PARP4: variants seen among roughly 807,000 people sequenced by gnomAD.
PARP4 encodes protein mono-ADP-ribosyltransferase PARP4.
A neutral mutation model predicts 187.7 loss-of-function variants in PARP4; 120 were observed. That is an observed-to-expected ratio of 0.64 (90% CI 0.55 to 0.74). The LOEUF is 0.74. Ranked by LOEUF, PARP4 falls within the 30% of genes least tolerant of loss-of-function variation. The pLI, the probability that PARP4 is intolerant of heterozygous loss-of-function variation, is 0.00. For synonymous variants in PARP4, 654 were observed against 740.9 expected (o/e 0.88, Z 1.90); for missense variants, 1,836 against 2,070.5 (o/e 0.89, Z 2.20).
intron 30 of PARP4, among the ~76,000 whole-genome samples, chr13:24,436,336 T>C (rs908350905): frequency 2.0e-5 from 3 of 152,224 alleles, no homozygotes; most frequent in African/African-American, 7.2e-5. Flanking sequence ...AGGGTCTTGC[T>C]CTGTTGCCTG....
At chr13:24,450,321 A>C (rs188395403) in intron 24 of PARP4, among the ~76,000 whole-genome samples, 5 of 151,894 alleles carry the variant, frequency 3.3e-5, no homozygotes, top group Admixed American at 6.6e-5. Flanking sequence ...CAAGTGCCCT[A>C]TTACTTTTCT....
At chr13:24,485,403 C>T (rs1025100674) in intron 11 of PARP4, among the ~76,000 whole-genome samples, 1 of 152,150 alleles carries the variant, frequency 6.6e-6, no homozygotes, top group Non-Finnish European at 1.5e-5. Context: ...ATCATGATTG[C>T]ACTAAATCTA....
chr13:24,510,293 A>G (rs9553327), intron 1 of PARP4, among the ~76,000 whole-genome samples: 82,121 of 151,834 alleles, frequency 0.54, 22,362 homozygotes, highest in South Asian at 0.66. Context: ...GGTGGCTCAC[A>G]CCTGTAATCC....
chr13:24,455,914 C>T (rs138867872), intron 21 of PARP4, among the ~76,000 whole-genome samples: 4 of 152,218 alleles, frequency 2.6e-5, no homozygotes, highest in East Asian at 1.9e-4. Context: ...TGAGCCACCA[C>T]ACCCAGCCTA....
At chr13:24,488,619 G>T (rs538665428) in intron 10 of PARP4, among the ~76,000 whole-genome samples, 1 of 151,946 alleles carries the variant, frequency 6.6e-6, no homozygotes, top group South Asian at 2.1e-4. Context: ...CTCCCAAAGT[G>T]CTGGAATTAC....
In PARP4 at chr13:24,443,195, C is replaced by T. The variant is rs1458246268; in HGVS notation, c.3447+455G>A. On this transcript the variant is annotated intron_variant, in intron 28 of 33. Transcript: ENST00000381989. ...ATCCCTCAGAGAACAGCTGGGCAGT[C>T]CCGGTGGCCTGGCTGAGGAGCCCCT... Among the ~76,000 whole-genome samples the T allele has an allele frequency of 5.0e-5, 7 of 141,034 alleles. 1 individual carries two copies. Among genetic ancestry groups the T allele is most frequent in the Non-Finnish European group, 9.2e-5 (6 of 65,374 alleles). The allele number at this position is 141,034 out of a possible 152,430, so 92.5% of individuals were successfully genotyped here.
chr13:24,484,115 C>T (rs2137520349), intron 12 of PARP4, among the ~76,000 whole-genome samples: 1 of 152,280 alleles, frequency 6.6e-6, no homozygotes, highest in African/African-American at 2.4e-5. Context: ...GTTCCCTGAC[C>T]TCCCTGAGTC....
chr13:24,426,184 G>C (rs965939217), intron 33 of PARP4, among the ~76,000 whole-genome samples: 4 of 152,166 alleles, frequency 2.6e-5, no homozygotes, highest in African/African-American at 9.7e-5. Flanking sequence ...AGGATCAGCA[G>C]ACTGCAGTGA....
chr13:24,453,658 T>A lies in PARP4; in HGVS notation c.2759-4A>T, dbSNP rs1323507060. On this transcript the variant is annotated splice_region_variant and splice_polypyrimidine_tract_variant and intron_variant, in intron 22 of 33. Transcript: ENST00000381989. Reference sequence around the variant, plus strand: ...TACGAAAATAGCTCCTTGTAACCTGTGTAATAAGATCAGCATGAGGTGCTG... The same window carrying A: ...TACGAAAATAGCTCCTTGTAACCTGAGTAATAAGATCAGCATGAGGTGCTG... 6.4e-7 allele frequency: 1 copy of A among 1,574,788 alleles called. No individual in the cohort carries two copies. The highest frequency in any genetic ancestry group is 8.7e-7 in the Non-Finnish European group (1 of 1,144,324).
Position 24,434,781 on chromosome 13 carries a change from A to T in PARP4, c.4360T>A (p.Tyr1454Asn), listed in dbSNP as rs1006402358. Residue 1454 changes from tyrosine to asparagine, a missense_variant, in exon 31 of 34, where the codon TAT becomes AAT. Transcript: ENST00000381989. ...DPDPIRGFGS[Y>N]HPSASSPFHF... ...AAAGGAGAGGAAGCAGAGGGATGATAAGACCCAAAACCTCTGATGGGATCA... is the reference window on the plus strand; with the variant it reads ...AAAGGAGAGGAAGCAGAGGGATGATTAGACCCAAAACCTCTGATGGGATCA... The T allele has an allele frequency of 3.7e-6, 6 of 1,612,316 alleles. No homozygotes were observed. Among genetic ancestry groups the T allele is most frequent in the Admixed American group, 3.3e-5 (2 of 59,758 alleles).
Position 24,455,131 on chromosome 13 carries a change from C to G in PARP4, c.2644G>C (p.Asp882His). 6.2e-7 allele frequency: 1 copy of G among 1,613,094 alleles called. No homozygotes were observed. The highest frequency in any genetic ancestry group is 1.1e-5 in the South Asian group (1 of 91,006). The change falls in exon 22 of 34, where the codon GAC becomes CAC. Residue 882 changes from aspartate (D) to histidine (H), a missense_variant. Physicochemically the swap from Asp to His is moderately conservative, Grantham distance 81. Around this residue, in one of 8 missense-constraint regions of PARP4, gnomAD observed 1,147 missense variants for 1,214.2 expected, o/e 0.94. Coordinates refer to ENST00000381989, the MANE Select transcript of PARP4 (RefSeq NM_006437.4). ...ACACCCTCCATGGAACTGGAGCAGT[C>G]AAGACAAATAATCACTTCGCTCTCA... ...ASESEVIICL[D>H]CSSSMEGVTF...
intron 14 of PARP4, among the ~76,000 whole-genome samples, chr13:24,476,691 G>A (rs2137509406): frequency 6.6e-6 from 1 of 152,300 alleles, no homozygotes; most frequent in Non-Finnish European, 1.5e-5. Context: ...ATGCGTTTCT[G>A]ACAAAAAATA....
intron 1 of PARP4, among the ~76,000 whole-genome samples, chr13:24,506,184 G>A (rs1333002458): frequency 2.0e-5 from 3 of 151,490 alleles, no homozygotes; most frequent in South Asian, 4.2e-4. Context: ...GTATGAAGCC[G>A]CAGACCCTCG....
chr13:24,502,585 C>T (rs1269547536), intron 2 of PARP4, among the ~76,000 whole-genome samples: 4 of 152,234 alleles, frequency 2.6e-5, no homozygotes, highest in Admixed American at 6.5e-5. Context: ...CTCAACATTA[C>T]ATATACAGCT....
chr13:24,445,515 G>T (rs1265934084), intron 27 of PARP4, among the ~76,000 whole-genome samples: 2 of 152,156 alleles, frequency 1.3e-5, no homozygotes, highest in African/African-American at 4.8e-5. Flanking sequence ...ACCTAAAGGG[G>T]TTCAGGGAGC....
chr13:24,451,093 AG>A (rs1871493019), intron 24 of PARP4, among the ~76,000 whole-genome samples: 1 of 152,100 alleles, frequency 6.6e-6, no homozygotes, highest in East Asian at 1.9e-4. Context: ...CCCATCTCCC[AG>A]CCCCAGAGTC....
chr13:24,443,636 T>C lies in PARP4; in HGVS notation c.3447+14A>G. On this transcript the variant is annotated intron_variant, in intron 28 of 33. Coordinates refer to ENST00000381989, the MANE Select transcript of PARP4 (RefSeq NM_006437.4). ...GAAGAATGTCTAATCATTTTTACAA[T>C]GAAAAGAACAAACCTCATGACTGGT... The C allele has an allele frequency of 6.4e-7, 1 of 1,556,994 alleles. No homozygotes were observed. The highest frequency in any genetic ancestry group is 8.9e-7 in the Non-Finnish European group (1 of 1,129,592).
At chr13:24,455,499 A>C (rs1017772415) in intron 21 of PARP4, among the ~76,000 whole-genome samples, 26 of 139,926 alleles carry the variant, frequency 1.9e-4, no homozygotes, top group African/African-American at 6.6e-4. Context: ...ATATATATAT[A>C]TATATATCAC....
chr13:24,490,677 T>C lies in PARP4; in HGVS notation c.1205A>G (p.Asn402Ser), dbSNP rs868769319. ...TTTCCTTTATGCTTACCTGTGATGATTCTGCAAAACCTCTTTTCTAACCCT... is the reference window on the plus strand; with the variant it reads ...TTTCCTTTATGCTTACCTGTGATGACTCTGCAAAACCTCTTTTCTAACCCT... The part of the protein sequence containing the change: ...FLRVRKEVLQ[N>S]HHSKSPVDVL... Residue 402 changes from asparagine (N) to serine (S), a missense_variant, in exon 10 of 34, where the codon AAT becomes AGT. This residue lies in a region of PARP4 where 1,147 missense variants were observed against 1,214.2 expected (regional missense o/e 0.94). Transcript: ENST00000381989. 2 of 1,613,190 alleles carry C rather than the reference T, an allele frequency of 1.2e-6. No individual in the cohort carries two copies. The highest frequency in any genetic ancestry group is 8.5e-7 in the Non-Finnish European group (1 of 1,179,292).
Sources: gnomAD v4.1 joint callset for allele counts (sites outside exome capture counted in the v4.1 genomes callset) on GRCh38, gnomAD v4.1.1 for gene constraint, gnomAD v4.1.1 regional missense constraint, MANE v1.5 for transcripts, NCBI Gene and HGNC (gene_info 2026-07-23, HGNC 2026-07-21) for gene names.